Variants in IQUB observed in about 807,000 individuals in gnomAD.
The protein encoded by IQUB is IQ motif and ubiquitin domain containing.
Under a neutral mutation model 86.4 loss-of-function variants are expected in IQUB, and 86 were observed. That is an observed-to-expected ratio of 1.00 (90% confidence interval 0.84 to 1.19). IQUB has a LOEUF of 1.19. Ranked by LOEUF, IQUB falls within the 50% of genes most tolerant of loss-of-function variation. The pLI is 0.00. For missense variants in IQUB, 946 were observed against 916.9 expected (o/e 1.03, Z -0.41); for synonymous variants, 289 against 304.5 (o/e 0.95, Z 0.53).
chr7:123,479,183 A>C lies in IQUB; in HGVS notation c.1410+612T>G, dbSNP rs560687588. The stretch of plus-strand genomic sequence containing the variant: ...TGAATTGACTTTAAATTGTTTGGAA[A>C]GACTAGGTTTATAAAAGAAAATTGG... On this transcript the variant is annotated intron_variant, in intron 8 of 12. Coordinates refer to ENST00000324698, the MANE Select transcript of IQUB (RefSeq NM_178827.5). Among the ~76,000 whole-genome samples the C allele has an allele frequency of 2.0e-5, 3 of 152,286 alleles. No individual in the cohort carries two copies. In the South Asian group the frequency reaches 6.2e-4, roughly 32 times the overall value.
intron 12 of IQUB, chr7:123,457,159 A>G: frequency 3.1e-6 from 3 of 970,706 alleles, no homozygotes; most frequent in Non-Finnish European, 1.2e-6. Flanking sequence ...AGAGACTGGT[A>G]TGATGTTTAG....
At chr7:123,529,568 T>C (rs1004963639) in intron 1 of IQUB, among the ~76,000 whole-genome samples, 5 of 151,210 alleles carry the variant, frequency 3.3e-5, no homozygotes, top group African/African-American at 9.7e-5. Flanking sequence ...CATGCAATTA[T>C]ATATAAACAA....
chr7:123,457,647 TTA>T lies in IQUB; in HGVS notation c.2008-83_2008-82del, dbSNP rs57267720. The T allele has an allele frequency of 1.8e-3, 1,889 of 1,031,290 alleles. 31 individuals are homozygous for T. In the African/African-American group the frequency reaches 0.029, roughly 16 times the overall value. 63.9% of individuals were successfully genotyped at this position (1,031,290 alleles called of 1,614,324 possible). A position where few individuals can be genotyped will look rare whatever the true frequency, so the allele number is the denominator to read the frequency against. On this transcript the variant is annotated intron_variant, in intron 11 of 12. Coordinates refer to ENST00000324698, the MANE Select transcript of IQUB (RefSeq NM_178827.5). The stretch of plus-strand genomic sequence containing the variant: ...TATATTACTTGAGCAAATAATTAAA[TTA>T]TAGAGTATTTTTAAGTGAATTATTA...
At chr7:123,480,782 T>C (rs553790445) in intron 7 of IQUB, among the ~76,000 whole-genome samples, 3 of 152,266 alleles carry the variant, frequency 2.0e-5, no homozygotes, top group Admixed American at 1.3e-4. Context: ...CTCTAAATTA[T>C]AGTCACAAAT....
intron 12 of IQUB, among the ~76,000 whole-genome samples, chr7:123,454,796 G>A (rs1793613711): frequency 6.6e-6 from 1 of 152,122 alleles, no homozygotes; most frequent in African/African-American, 2.4e-5. Context: ...TGGGGAGGAA[G>A]ACCACAGGGG....
Position 123,512,162 on chromosome 7 carries a change from A to G in IQUB, c.179T>C (p.Val60Ala). Reference sequence around the variant, plus strand: ...AAAGCTTTGGTCACTCTGCTCCTCAACATGTATTGCATGGCTCTCACTGAA... The same window carrying G: ...AAAGCTTTGGTCACTCTGCTCCTCAGCATGTATTGCATGGCTCTCACTGAA... ...EQFSESHAIH[V>A]EEQSDQSFSS... The change falls in exon 2 of 13, where the codon GTT becomes GCT. Residue 60 changes from valine to alanine, a missense_variant. Transcript: ENST00000324698. The G allele has an allele frequency of 1.2e-6, 2 of 1,614,010 alleles. No individual in the cohort carries two copies. Among genetic ancestry groups the G allele is most frequent in the Non-Finnish European group, 1.7e-6 (2 of 1,179,942 alleles).
chr7:123,528,310 C>A (rs1351463210), intron 1 of IQUB, among the ~76,000 whole-genome samples: 1 of 152,160 alleles, frequency 6.6e-6, no homozygotes, highest in Non-Finnish European at 1.5e-5. Context: ...TTGACCAGAG[C>A]TATTCCTATT....
In IQUB at chr7:123,502,623, C is replaced by G; in HGVS notation, c.997G>C (p.Glu333Gln). The stretch of plus-strand genomic sequence containing the variant: ...GCCTTTAGTCTTTGAGCATGGTATT[C>G]TGCTGCTGAAAAATACTTTCCTGGT... ...VTPGKYFSAA[E>Q]YHAQRLKAVI... is the part of the protein sequence containing the mutation. The change falls in exon 6 of 13, where the codon GAA becomes CAA. Residue 333 changes from glutamate (E) to glutamine (Q), a missense_variant. By Grantham distance (29) the Glu-to-Gln change is conservative. Transcript: ENST00000324698. 1 of 1,611,768 alleles carries G rather than the reference C, an allele frequency of 6.2e-7. No individual in the cohort carries two copies. The highest frequency in any genetic ancestry group is 1.3e-5 in the African/African-American group (1 of 74,878).
intron 11 of IQUB, among the ~76,000 whole-genome samples, chr7:123,459,529 T>C (rs1314008300): frequency 2.0e-5 from 3 of 152,030 alleles, no homozygotes; most frequent in African/African-American, 4.8e-5. Context: ...CCTGGCTCTA[T>C]AGCAGCCTGC....
intron 3 of IQUB, among the ~76,000 whole-genome samples, chr7:123,505,003 C>T (rs371468388): frequency 6.6e-6 from 1 of 152,186 alleles, no homozygotes; most frequent in East Asian, 1.9e-4. Context: ...GGTAAATATA[C>T]CCATTCCAAA....
At chr7:123,463,434 A>ATATT (rs929176337) in intron 10 of IQUB, among the ~76,000 whole-genome samples, 34 of 151,940 alleles carry the variant, frequency 2.2e-4, no homozygotes, top group African/African-American at 8.2e-4. Flanking sequence ...GTATATCCAG[A>ATATT]TATTAGAATA....
chr7:123,489,294 A>G (rs1382277334), intron 7 of IQUB, among the ~76,000 whole-genome samples: 1 of 152,164 alleles, frequency 6.6e-6, no homozygotes, highest in Non-Finnish European at 1.5e-5. Flanking sequence ...GAACCATGGT[A>G]AGAACTCATA....
intron 9 of IQUB, among the ~76,000 whole-genome samples, chr7:123,468,478 T>C (rs190492493): frequency 2.0e-5 from 3 of 152,198 alleles, no homozygotes; most frequent in African/African-American, 4.8e-5. Flanking sequence ...TTCCTGAGAA[T>C]TGCTCTCTAT....
At chr7:123,466,323 C>T (rs1180410404) in intron 9 of IQUB, among the ~76,000 whole-genome samples, 1 of 151,902 alleles carries the variant, frequency 6.6e-6, no homozygotes, top group East Asian at 1.9e-4. Context: ...TTTATGAGTC[C>T]ATCCTTTGGC....
At chr7:123,525,638 C>A (rs1165484952) in intron 1 of IQUB, among the ~76,000 whole-genome samples, 2 of 151,918 alleles carry the variant, frequency 1.3e-5, no homozygotes, top group African/African-American at 4.8e-5. Flanking sequence ...TTTGTTCATC[C>A]TTTCAAAAAA....
At chr7:123,508,712 A>G (rs931509075) in intron 3 of IQUB, among the ~76,000 whole-genome samples, 2 of 152,236 alleles carry the variant, frequency 1.3e-5, no homozygotes, top group Non-Finnish European at 2.9e-5. Context: ...GTTAATGTGC[A>G]GCAGTTTCAA....
intron 12 of IQUB, among the ~76,000 whole-genome samples, chr7:123,455,405 A>T (rs1793646514): frequency 6.6e-6 from 1 of 152,104 alleles, no homozygotes; most frequent in Non-Finnish European, 1.5e-5. Flanking sequence ...TTTACTTTCT[A>T]CATTACATTT....
chr7:123,502,952 C>T lies in IQUB; in HGVS notation c.859G>A (p.Asp287Asn), dbSNP rs1267303204. 1.2e-6 allele frequency: 2 copies of T among 1,609,396 alleles called. No individual in the cohort carries two copies. Among genetic ancestry groups the T allele is most frequent in the Non-Finnish European group, 1.7e-6 (2 of 1,178,082 alleles). ...IPERLSIFCRDTQTVFQKKNL... is the reference protein window; with the variant it reads ...IPERLSIFCRNTQTVFQKKNL... ...ACAAATAAAAACATTACCTGCGTAT[C>T]CCTACAAAATATACTGAGTCTTTCG... The change falls in exon 5 of 13, where the codon GAT (aspartate) becomes AAT (asparagine). Residue 287 changes from aspartate (D) to asparagine (N), a missense_variant. Transcript: ENST00000324698.
chr7:123,489,217 G>A (rs950440968), intron 7 of IQUB, among the ~76,000 whole-genome samples: 3 of 152,128 alleles, frequency 2.0e-5, no homozygotes, highest in African/African-American at 4.8e-5. Context: ...ATATATGTCT[G>A]CATATGTAAA....
Sources: allele counts gnomAD v4.1 joint callset (sites outside exome capture counted in the v4.1 genomes callset), GRCh38; gene constraint gnomAD v4.1.1; transcripts MANE v1.5; gene names NCBI Gene and HGNC (gene_info 2026-07-23, HGNC 2026-07-21).